SACS: variants seen among roughly 807,000 people sequenced by gnomAD.
SACS encodes sacsin.
In SACS, 197 loss-of-function variants were observed where a neutral mutation model predicts 348.0. The ratio of observed to expected loss-of-function variants is 0.57; its 90% CI spans 0.50 to 0.64. The LOEUF (loss-of-function observed/expected upper bound fraction) is 0.64. SACS is among the 30% of genes least tolerant of loss of function. The pLI is 0.00. For missense variants in SACS, 4,999 were observed against 5,360.8 expected (o/e 0.93, Z 2.11); for synonymous variants, 1,985 against 1,910.6 (o/e 1.04, Z -1.02).
Position 23,335,144 on chromosome 13 carries a change from T to C in SACS, c.8732A>G (p.Asn2911Ser). ...AGCTATTAATGCTGTCATTAAACTG[T>C]TATTCCAGTCACTTCGAACACCAAC... ...NGVGVRSDWN[N>S]SLMTALIAPA... The change falls in exon 10 of 10, where the codon AAC (asparagine) becomes AGC (serine). Residue 2911 changes from asparagine (N) to serine (S), a missense_variant. This residue lies in a region of SACS where 734 missense variants were observed against 694.0 expected (regional missense o/e 1.06). Coordinates refer to ENST00000382292, the MANE Select transcript of SACS (RefSeq NM_014363.6). This position sits in a 1 kb window ranked among gnomAD's most constrained non-coding sequence, Gnocchi z 4.7. 6.2e-7 allele frequency: 1 copy of C among 1,613,964 alleles called. No homozygotes were observed.
chr13:23,398,469 G>T (rs896247324), intron 2 of SACS, among the ~76,000 whole-genome samples: 2 of 151,068 alleles, frequency 1.3e-5, no homozygotes, highest in East Asian at 3.9e-4. Context: ...AGGAGGCAAA[G>T]GTTGCAGTGA....
intron 2 of SACS, among the ~76,000 whole-genome samples, chr13:23,389,485 A>C (rs148446187): frequency 1.6e-4 from 25 of 152,340 alleles, no homozygotes; most frequent in African/African-American, 6.0e-4. Context: ...GGAAAAGGCA[A>C]ACACTTAGAA....
At chr13:23,419,418 G>T (rs548259837) in intron 1 of SACS, 1 of 152,382 alleles carries the variant, frequency 6.6e-6, no homozygotes, top group African/African-American at 2.4e-5. Context: ...CAATTTGTAG[G>T]CCTAGAGGCC....
In SACS at chr13:23,355,115, A is replaced by G. The variant is rs1285415188; in HGVS notation, c.1497T>C (p.Asn499=). 5.0e-6 allele frequency: 8 copies of G among 1,614,212 alleles called. No individual in the cohort carries two copies. The East Asian group carries it at 1.8e-4, about 36-fold the overall frequency. The change falls in exon 8 of 10, where the codon AAT becomes AAC. Residue 499 remains asparagine (N), a synonymous_variant. Coordinates refer to ENST00000382292, the MANE Select transcript of SACS (RefSeq NM_014363.6). ...AALWNEFLVM[N]VVPKAYATLI... ...GAGTAGCATAAGCTTTGGGGACAAC[A>G]TTCATGACAAGAAACTCATTCCATA... is the stretch of plus-strand genomic sequence containing the variant.
chr13:23,368,791 T>C (rs1003543012), intron 4 of SACS, among the ~76,000 whole-genome samples: 14 of 151,892 alleles, frequency 9.2e-5, no homozygotes, highest in Admixed American at 2.6e-4. Flanking sequence ...CTCCACCTCC[T>C]GGGTTCATGC....
At position 23,366,054 on chromosome 13, in the gene SACS, T is replaced by C. The variant is rs202069362; in HGVS notation, c.346-777A>G. 8.5e-5 allele frequency among the ~76,000 whole-genome samples: 13 copies of C among 152,294 alleles called. No individual in the cohort carries two copies. In the East Asian group the frequency reaches 1.3e-3, roughly 16 times the overall value. On this transcript the variant is annotated intron_variant, in intron 5 of 9. Coordinates refer to ENST00000382292, the MANE Select transcript of SACS (RefSeq NM_014363.6). ...TCAGTTTGAAGGGAGCTCCAGAATC[T>C]GAATCAAGAATCAGCTCCTAGATCC...
rs1456753523 is a variant in SACS, at chr13:23,374,997, G to A, written c.171+122C>T. The stretch of plus-strand genomic sequence containing the variant: ...GCCACAACTCAGGACAAGCACAGGC[G>A]GCCACGCTGCCGGAGTCATTCGCGC... On this transcript the variant is annotated intron_variant, in intron 3 of 9. Coordinates refer to ENST00000382292, the MANE Select transcript of SACS (RefSeq NM_014363.6). 4.6e-5 allele frequency: 46 copies of A among 991,738 alleles called. No individual in the cohort carries two copies. In the East Asian group the frequency reaches 1.4e-3, roughly 31 times the overall value. 61.4% of individuals were successfully genotyped at this position (991,738 alleles called of 1,614,324 possible).
intron 9 of SACS, among the ~76,000 whole-genome samples, chr13:23,347,775 T>G (rs1869701625): frequency 6.6e-6 from 1 of 152,020 alleles, no homozygotes; most frequent in Non-Finnish European, 1.5e-5. Context: ...AGGTAGTGAA[T>G]GGAGGAGTTG....
rs1011078617 is a variant in SACS, at chr13:23,356,110, A to G, written c.605-103T>C. On this transcript the variant is annotated intron_variant, in intron 7 of 9. Coordinates refer to ENST00000382292, the MANE Select transcript of SACS (RefSeq NM_014363.6). ...AAAAAGCATGAGCCATTAAATGACTAAAACAGATTTATCTAAACACAAACT... is the reference window on the plus strand; with the variant it reads ...AAAAAGCATGAGCCATTAAATGACTGAAACAGATTTATCTAAACACAAACT... The G allele has an allele frequency of 1.5e-5, 14 of 937,676 alleles. 1 individual carries two copies. The Admixed American group carries it at 3.1e-4, about 21-fold the overall frequency. The allele number at this position is 937,676 out of a possible 1,614,324, so 58.1% of individuals were successfully genotyped here. A position where few individuals can be genotyped will look rare whatever the true frequency, so the allele number is the denominator to read the frequency against.
intron 2 of SACS, among the ~76,000 whole-genome samples, chr13:23,396,500 T>C (rs9634391): frequency 0.29 from 44,598 of 151,858 alleles, 6,814 homozygotes; most frequent in East Asian, 0.44. Flanking sequence ...ATAAGCATTA[T>C]TCTTGGATTT....
chr13:23,331,800 C>A lies in SACS; in HGVS notation c.12076G>T (p.Ala4026Ser). ...GCTTTTTCTTCATTGGCCAGAAAAG[C>A]ATTATCATTTTCATGCTTCATAATT... Reference protein sequence around the residue: ...IRIMKHENDNAFLANEEKAIR... With the variant: ...IRIMKHENDNSFLANEEKAIR... Residue 4026 changes from alanine (A) to serine (S), a missense_variant, in exon 10 of 10, where the codon GCT (alanine) becomes TCT (serine). Physicochemically the swap from Ala to Ser is moderately conservative, Grantham distance 99. This residue lies in a region of SACS where 831 missense variants were observed against 941.8 expected (regional missense o/e 0.88). Coordinates refer to ENST00000382292, the MANE Select transcript of SACS (RefSeq NM_014363.6). 1 of 1,613,960 alleles carries A rather than the reference C, an allele frequency of 6.2e-7. No homozygotes were observed. Among genetic ancestry groups the A allele is most frequent in the Non-Finnish European group, 8.5e-7 (1 of 1,179,928 alleles).
chr13:23,354,151 G>A (rs770156648), intron 8 of SACS, among the ~76,000 whole-genome samples: 6 of 151,952 alleles, frequency 3.9e-5, no homozygotes, highest in Non-Finnish European at 7.4e-5. Flanking sequence ...GTACACTCTC[G>A]TTTATAAAGA....
chr13:23,385,793 A>G (rs1193267885), intron 2 of SACS, among the ~76,000 whole-genome samples: 1 of 152,228 alleles, frequency 6.6e-6, no homozygotes, highest in Non-Finnish European at 1.5e-5. Flanking sequence ...CTTAAATAAT[A>G]AGACTTGAAA....
At chr13:23,349,723 T>C (rs541550014) in intron 9 of SACS, among the ~76,000 whole-genome samples, 6 of 152,282 alleles carry the variant, frequency 3.9e-5, no homozygotes, top group African/African-American at 1.4e-4. Flanking sequence ...CCTGGGGACC[T>C]TGAGATATAC....
chr13:23,408,329 C>T (rs1488326807), intron 2 of SACS, among the ~76,000 whole-genome samples: 9 of 152,260 alleles, frequency 5.9e-5, no homozygotes, highest in African/African-American at 1.9e-4. Context: ...CTGCCTTTTG[C>T]ACTAACATAT....
intron 9 of SACS, among the ~76,000 whole-genome samples, chr13:23,353,085 C>G (rs967529521): frequency 5.9e-5 from 9 of 151,384 alleles, no homozygotes; most frequent in Non-Finnish European, 1.2e-4. Context: ...AACAGTTTCA[C>G]AAGGAAAAGG....
chr13:23,365,981 C>G (rs1871037676), intron 5 of SACS, among the ~76,000 whole-genome samples: 1 of 152,146 alleles, frequency 6.6e-6, no homozygotes, highest in African/African-American at 2.4e-5. Context: ...CCAATCCTAA[C>G]AACCCCAATC....
chr13:23,341,589 G>C lies in SACS; in HGVS notation c.2287C>G (p.Gln763Glu). 9.3e-6 allele frequency: 15 copies of C among 1,613,906 alleles called. No individual in the cohort carries two copies. The highest frequency in any genetic ancestry group is 1.3e-5 in the Non-Finnish European group (15 of 1,179,958). ...CTGTTTTCATCAAATGGATACCATT[G>C]AACAATCAATTCTCTGCCAGGCCAG... ...TFWPGRELIV[Q>E]WYPFDENRNH... is the part of the protein sequence containing the mutation. The change falls in exon 10 of 10, where the codon CAA becomes GAA. Residue 763 changes from glutamine to glutamate, a missense_variant. Physicochemically the swap from Gln to Glu is conservative, Grantham distance 29. Around this residue, in one of 6 missense-constraint regions of SACS, gnomAD observed 3,156 missense variants for 3,380.1 expected, o/e 0.93. Coordinates refer to ENST00000382292, the MANE Select transcript of SACS (RefSeq NM_014363.6).
At chr13:23,358,234 A>G in intron 7 of SACS, 101 bp downstream of exon 7, 1 of 1,264,394 alleles carries the variant, frequency 7.9e-7, no homozygotes, top group Middle Eastern at 2.6e-4. Flanking sequence ...TTTGGGTAAG[A>G]TGGCTTTTAA....
Sources: allele counts gnomAD v4.1 joint callset (sites outside exome capture counted in the v4.1 genomes callset), GRCh38; gene constraint gnomAD v4.1.1; regional missense constraint gnomAD v4.1.1; non-coding constraint Gnocchi (gnomAD v3.1); transcripts MANE v1.5; gene names NCBI Gene and HGNC (gene_info 2026-07-23, HGNC 2026-07-21).